The following DLGAP2 variants were observed in gnomAD, a reference collection of about 807,000 sequenced individuals.
DLGAP2 encodes DLG associated protein 2, also known as disks large-associated protein 2.
In DLGAP2, 26 loss-of-function variants were observed where a neutral mutation model predicts 100.3. The ratio of observed to expected loss-of-function variants is 0.26; its 90% CI spans 0.19 to 0.36. The LOEUF is 0.36. Ranked by LOEUF, DLGAP2 falls within the 10% of genes least tolerant of loss-of-function variation. The pLI, the probability that DLGAP2 is intolerant of heterozygous loss-of-function variation, is 1.00. For missense variants in DLGAP2, 1,858 were observed against 1,453.2 expected, an observed-to-expected ratio of 1.28 and a Z score of -4.53; for synonymous variants, 886 against 630.1, an observed-to-expected ratio of 1.41 and a Z score of -6.08.
intron 12 of DLGAP2, among the ~76,000 whole-genome samples, chr8:1,691,227 C>T (rs914069354): frequency 1.4e-4 from 21 of 152,184 alleles, no homozygotes; most frequent in Non-Finnish European, 2.5e-4. Flanking sequence ...CAAACAGCAG[C>T]ACTGAAATAA....
intron 2 of DLGAP2, among the ~76,000 whole-genome samples, chr8:1,182,347 G>C (rs1267529075): frequency 6.6e-6 from 1 of 152,230 alleles, no homozygotes; most frequent in African/African-American, 2.4e-5. Flanking sequence ...ATCCGTGTGG[G>C]ATGCCAGGTG....
intron 6 of DLGAP2, among the ~76,000 whole-genome samples, chr8:1,584,061 T>C (rs1796035956): frequency 6.6e-6 from 1 of 152,126 alleles, no homozygotes; most frequent in South Asian, 2.1e-4. Context: ...CTGTTTGCTT[T>C]CCCGAGAGTC....
intron 2 of DLGAP2, among the ~76,000 whole-genome samples, chr8:1,256,226 C>A (rs1211061131): frequency 3.5e-5 from 4 of 114,666 alleles, no homozygotes; most frequent in Non-Finnish European, 5.3e-5. Context: ...GTGTGTGTGC[C>A]CTCTCCTGCC....
At chr8:765,054 C>A (rs117879072) in intron 1 of DLGAP2, among the ~76,000 whole-genome samples, 1 of 152,114 alleles carries the variant, frequency 6.6e-6, no homozygotes, top group Non-Finnish European at 1.5e-5. Flanking sequence ...GCATTTAGAA[C>A]GTATTTAGTA....
chr8:1,045,677 C>A (rs548880370), intron 2 of DLGAP2, among the ~76,000 whole-genome samples: 4 of 152,202 alleles, frequency 2.6e-5, no homozygotes, highest in Admixed American at 1.3e-4. Context: ...CTTCTATTCG[C>A]TGCTTCTGTG....
intron 2 of DLGAP2, among the ~76,000 whole-genome samples, chr8:944,834 T>C (rs1445521226): frequency 6.6e-6 from 1 of 151,908 alleles, no homozygotes; most frequent in Non-Finnish European, 1.5e-5. Flanking sequence ...TAATGATCCC[T>C]GCGGGTGATC....
intron 3 of DLGAP2, among the ~76,000 whole-genome samples, chr8:1,267,299 GC>G (rs1320641605): frequency 6.6e-6 from 1 of 150,820 alleles, no homozygotes; most frequent in African/African-American, 2.4e-5. Context: ...GGGTGCAGTG[GC>G]TCACGCCTGT....
chr8:1,281,364 C>T (rs534423210), intron 3 of DLGAP2, among the ~76,000 whole-genome samples: 1 of 152,316 alleles, frequency 6.6e-6, no homozygotes, highest in Admixed American at 6.5e-5. Flanking sequence ...CTTTCCCTGT[C>T]ATCATGACCT....
At chr8:1,259,041 G>C (rs973304587) in intron 3 of DLGAP2, among the ~76,000 whole-genome samples, 158 bp downstream of exon 3, 1 of 152,236 alleles carries the variant, frequency 6.6e-6, no homozygotes, top group African/African-American at 2.4e-5. Context: ...AATAATTGAA[G>C]CAAAGTGCAA....
At chr8:1,529,750 C>T (rs924243527) in intron 4 of DLGAP2, among the ~76,000 whole-genome samples, 1 of 152,204 alleles carries the variant, frequency 6.6e-6, no homozygotes, top group African/African-American at 2.4e-5. Flanking sequence ...CACGTAGGTT[C>T]TTTTCTATTT....
chr8:769,035 A>T (rs1222272584), intron 1 of DLGAP2, among the ~76,000 whole-genome samples: 1 of 151,922 alleles, frequency 6.6e-6, no homozygotes, highest in Admixed American at 6.6e-5. Context: ...GATTGTTTCG[A>T]GTATTAGGTG....
chr8:1,207,059 TC>T (rs544989897), intron 2 of DLGAP2, among the ~76,000 whole-genome samples: 1 of 152,188 alleles, frequency 6.6e-6, no homozygotes, highest in Admixed American at 6.5e-5. Flanking sequence ...CCTAGATGTG[TC>T]CTTCACAGTG....
chr8:1,434,467 A>G (rs369885316), intron 3 of DLGAP2, among the ~76,000 whole-genome samples: 131 of 150,562 alleles, frequency 8.7e-4, no homozygotes, highest in African/African-American at 2.9e-3. Context: ...CGGGAGTGTC[A>G]GCATTTTGGG....
rs1563077056 is a variant in DLGAP2 at position 881,668 on chromosome 8, C to CCCACAT, written c.19-26244_19-26243insCCACAT. Among the ~76,000 whole-genome samples, 33 of 121,072 alleles carry CCCACAT rather than the reference C, an allele frequency of 2.7e-4. 2 individuals carry two copies. Among genetic ancestry groups the CCCACAT allele is most frequent in the Admixed American group, 9.8e-4 (11 of 11,282 alleles). The allele number at this position is 121,072 out of a possible 152,430, so 79.4% of individuals were successfully genotyped here. ...GCGCACGCCACCACTTGTGGCTGAA[C>CCCACAT]ACACACACACACACTTTTTTTTTTT... On this transcript the variant is annotated intron_variant, in intron 1 of 14. Coordinates refer to ENST00000637795, the MANE Select transcript of DLGAP2 (RefSeq NM_001346810.2).
intron 4 of DLGAP2, among the ~76,000 whole-genome samples, chr8:1,534,699 C>T (rs1388817901): frequency 6.6e-6 from 1 of 152,164 alleles, no homozygotes; most frequent in Non-Finnish European, 1.5e-5. Flanking sequence ...CGCTATTGAA[C>T]CTGCTGGTCT....
At chr8:998,472 T>C (rs1301161070) in intron 2 of DLGAP2, among the ~76,000 whole-genome samples, 1 of 151,872 alleles carries the variant, frequency 6.6e-6, no homozygotes, top group Non-Finnish European at 1.5e-5. Context: ...AGCTAATTTT[T>C]TTTTTTTTTT....
intron 3 of DLGAP2, among the ~76,000 whole-genome samples, chr8:1,339,701 C>G (rs534660163): frequency 6.6e-6 from 1 of 152,164 alleles, no homozygotes; most frequent in African/African-American, 2.4e-5. Flanking sequence ...TCCGGAGTCT[C>G]AGAGGCGAAG....
intron 2 of DLGAP2, among the ~76,000 whole-genome samples, chr8:1,180,760 C>T (rs1329459167): frequency 6.6e-6 from 1 of 150,502 alleles, no homozygotes; most frequent in Non-Finnish European, 1.5e-5. Context: ...TGTGCCAGGG[C>T]AGTACAGTTA....
intron 2 of DLGAP2, among the ~76,000 whole-genome samples, chr8:1,217,931 C>T (rs146797799): frequency 3.3e-5 from 5 of 151,962 alleles, no homozygotes; most frequent in African/African-American, 1.2e-4. Context: ...ATGTCCTTTG[C>T]CCATTTTTTA....
Sources: allele counts gnomAD v4.1 joint callset (sites outside exome capture counted in the v4.1 genomes callset), GRCh38; gene constraint gnomAD v4.1.1; transcripts MANE v1.5; gene names NCBI Gene and HGNC (gene_info 2026-07-23, HGNC 2026-07-21).